PHF24: variants seen among roughly 807,000 people sequenced by gnomAD.
PHF24 encodes the protein Galpha inhibitory interacting protein.
Under a neutral mutation model 42.6 loss-of-function variants are expected in PHF24, and 25 were observed. The observed-to-expected ratio is 0.59, with a 90% CI of 0.43 to 0.82. PHF24 has a LOEUF of 0.82. Ranked by LOEUF, PHF24 falls within the 40% of genes least tolerant of loss-of-function variation. The pLI is 0.00. For synonymous variants in PHF24, 185 were observed against 204.8 expected (o/e 0.90, Z 0.83); for missense variants, 470 against 538.1 (o/e 0.87, Z 1.25).
At position 34,964,714 on chromosome 9, in the gene PHF24, C is replaced by G. The variant is rs574990273; in HGVS notation, c.-5+6313C>G. ...CAAGCTGCCCACAAATGTCTTACTG[C>G]CTGACAAACACATCTAGACATGCTT... On this transcript the variant is annotated intron_variant, in intron 1 of 7. Coordinates refer to ENST00000242315, the Ensembl canonical transcript of PHF24. Among the ~76,000 whole-genome samples the G allele has an allele frequency of 2.0e-5, 3 of 152,306 alleles. No homozygotes were observed. The East Asian group carries it at 5.8e-4, about 29-fold the overall frequency.
At chr9:34,778,179 C>T in the PHF24 span, among the ~76,000 whole-genome samples, 1 of 152,136 alleles carries the variant, frequency 6.6e-6, no homozygotes. Flanking sequence ...TGTGAAATGT[C>T]TCTCATCAGC....
chr9:34,856,562 T>C, the PHF24 span, among the ~76,000 whole-genome samples: 1 of 152,214 alleles, frequency 6.6e-6, no homozygotes, highest in East Asian at 1.9e-4. Flanking sequence ...GGGTGTGCAC[T>C]CCAGACCCCA....
chr9:34,897,069 T>A, the PHF24 span, among the ~76,000 whole-genome samples: 1 of 152,178 alleles, frequency 6.6e-6, no homozygotes, highest in African/African-American at 2.4e-5. Flanking sequence ...AGCAGGAGAA[T>A]CGCTTGAACC....
intron 3 of PHF24, among the ~76,000 whole-genome samples, chr9:34,972,914 A>G (rs554540530): frequency 2.3e-4 from 13 of 56,022 alleles, no homozygotes; most frequent in African/African-American, 4.8e-4. Flanking sequence ...CTCTGTCTCG[A>G]AAAAAAAAAA....
At chr9:34,850,421 C>T in the PHF24 span, among the ~76,000 whole-genome samples, 2 of 152,352 alleles carry the variant, frequency 1.3e-5, no homozygotes, top group South Asian at 2.1e-4. Flanking sequence ...GCATTCTTCA[C>T]GTAGTTCTCG....
chr9:34,721,370 CCTTT>C, the PHF24 span, among the ~76,000 whole-genome samples: 1 of 149,354 alleles, frequency 6.7e-6, no homozygotes, highest in Non-Finnish European at 1.5e-5. Flanking sequence ...TTTATGTTAC[CCTTT>C]CTAACACTAA....
chr9:34,935,591 CTG>C, the PHF24 span, among the ~76,000 whole-genome samples: 3 of 39,388 alleles, frequency 7.6e-5, no homozygotes, highest in East Asian at 2.5e-3. Context: ...GAGACTTCAT[CTG>C]AAAAAAAAAA....
At chr9:34,759,481 C>T in the PHF24 span, among the ~76,000 whole-genome samples, 1 of 152,138 alleles carries the variant, frequency 6.6e-6, no homozygotes, top group Non-Finnish European at 1.5e-5. Context: ...AAAATGCTGT[C>T]AATCTCTTCT....
the PHF24 span, chr9:34,665,638 C>T: frequency 4.3e-6 from 3 of 701,344 alleles, no homozygotes; most frequent in South Asian, 4.4e-5. Flanking sequence ...AGCGCCACCT[C>T]GTATCTCCTC....
At chr9:34,732,916 A>G in the PHF24 span, among the ~76,000 whole-genome samples, 9 of 152,132 alleles carry the variant, frequency 5.9e-5, no homozygotes, top group African/African-American at 1.7e-4. Flanking sequence ...CTATAACATG[A>G]CTTATTTTCA....
chr9:34,882,893 C>T, the PHF24 span, among the ~76,000 whole-genome samples: 1 of 152,152 alleles, frequency 6.6e-6, no homozygotes, highest in Non-Finnish European at 1.5e-5. Context: ...CAAAGAAGGG[C>T]CCACATTGCC....
chr9:34,961,936 T>G (rs1026534795), intron 1 of PHF24, among the ~76,000 whole-genome samples: 2 of 152,220 alleles, frequency 1.3e-5, no homozygotes, highest in African/African-American at 4.8e-5. Flanking sequence ...GCTCTCTCTC[T>G]TTTTGTATGT....
chr9:34,742,115 A>G, the PHF24 span, among the ~76,000 whole-genome samples: 209 of 152,356 alleles, frequency 1.4e-3, 1 homozygote, highest in African/African-American at 4.6e-3. Flanking sequence ...AGAATATAAA[A>G]ATAGAACATC....
At chr9:34,676,836 GCCACACGCTCTTAAACAGCTAGATCACA>G in the PHF24 span, among the ~76,000 whole-genome samples, 4 of 152,094 alleles carry the variant, frequency 2.6e-5, no homozygotes, top group Non-Finnish European at 5.9e-5. Context: ...AGAGGGAGAT[GCCACACGCTCTTAAACAGCTAGATCACA>G]TGAGAACTCA....
the PHF24 span, chr9:34,691,404 C>T: frequency 8.5e-6 from 4 of 469,108 alleles, no homozygotes; most frequent in East Asian, 3.8e-5. Context: ...ACCCTGCCCC[C>T]CTTCTTCCCC....
chr9:34,739,374 T>C, the PHF24 span, among the ~76,000 whole-genome samples: 1 of 152,180 alleles, frequency 6.6e-6, no homozygotes, highest in Non-Finnish European at 1.5e-5. Context: ...GAAATGCACA[T>C]AGCCTTTGAT....
chr9:34,971,801 G>T, intron 2 of PHF24, 125 bp downstream of exon 2: 1 of 1,108,852 alleles, frequency 9.0e-7, no homozygotes, highest in Non-Finnish European at 1.3e-6. Flanking sequence ...AAAAATCTTT[G>T]AATTTCTTCT....
the PHF24 span, among the ~76,000 whole-genome samples, chr9:34,906,596 A>G: frequency 2.0e-5 from 3 of 147,938 alleles, no homozygotes; most frequent in Non-Finnish European, 4.5e-5. Context: ...GTGAGCCGAG[A>G]TCACGCCACT....
chr9:34,762,078 T>G, the PHF24 span, among the ~76,000 whole-genome samples: 5 of 152,122 alleles, frequency 3.3e-5, no homozygotes, highest in African/African-American at 1.2e-4. Context: ...TGCCACATTT[T>G]CTTAATCCAG....
Sources: allele counts gnomAD v4.1 joint callset (sites outside exome capture counted in the v4.1 genomes callset), GRCh38; gene constraint gnomAD v4.1.1; transcripts MANE v1.5; gene names NCBI Gene and HGNC (gene_info 2026-07-23, HGNC 2026-07-21).